Variants in FHIT observed in about 807,000 individuals in gnomAD.
FHIT encodes the protein fragile histidine triad diadenosine triphosphatase, also known as bis(5'-adenosyl)-triphosphatase.
A neutral mutation model predicts 17.9 loss-of-function variants in FHIT; 19 were observed. The ratio of observed to expected loss-of-function variants is 1.06; its 90% CI spans 0.74 to 1.56. The LOEUF (loss-of-function observed/expected upper bound fraction) is 1.56, where lower values mean the gene tolerates loss of function less well. Among genes scored for constraint, FHIT ranks in the 40% most tolerant of loss-of-function variants. The pLI, the probability that FHIT is intolerant of heterozygous loss-of-function variation, is 0.00. For missense variants in FHIT, 248 were observed against 189.2 expected (o/e 1.31, Z -1.82); for synonymous variants, 81 against 69.7 (o/e 1.16, Z -0.81).
intron 5 of FHIT, among the ~76,000 whole-genome samples, chr3:60,388,533 G>A (rs765691413): frequency 3.3e-5 from 5 of 152,126 alleles, no homozygotes; most frequent in Admixed American, 6.6e-5. Flanking sequence ...CCCAGGAGGT[G>A]GAGGTTGCAA....
chr3:60,415,384 T>C (rs1207190250), intron 5 of FHIT, among the ~76,000 whole-genome samples: 1 of 152,172 alleles, frequency 6.6e-6, no homozygotes, highest in Non-Finnish European at 1.5e-5. Flanking sequence ...CTGACTCCAA[T>C]AATACATTTA....
At chr3:61,147,469 G>C (rs13323679) in intron 2 of FHIT, among the ~76,000 whole-genome samples, 18,347 of 151,940 alleles carry the variant, frequency 0.12, 1,199 homozygotes, top group Non-Finnish European at 0.15. Flanking sequence ...AGAGTGCCAA[G>C]GTTCTTCTGC....
chr3:60,546,125 C>T (rs1051543211), intron 4 of FHIT, among the ~76,000 whole-genome samples: 1 of 152,028 alleles, frequency 6.6e-6, no homozygotes, highest in Non-Finnish European at 1.5e-5. Context: ...AATACTATAG[C>T]ATCTTGTTTT....
chr3:60,754,781 G>A (rs1402422212), intron 4 of FHIT, among the ~76,000 whole-genome samples: 1 of 152,052 alleles, frequency 6.6e-6, no homozygotes, highest in Non-Finnish European at 1.5e-5. Context: ...ACACTCATAG[G>A]CACACACACA....
chr3:60,826,888 G>A (rs1702144526), intron 3 of FHIT, among the ~76,000 whole-genome samples: 1 of 152,104 alleles, frequency 6.6e-6, no homozygotes, highest in African/African-American at 2.4e-5. Context: ...GGAACAATAT[G>A]CTTGATTAGT....
At chr3:59,779,130 A>G (rs189860212) in intron 8 of FHIT, among the ~76,000 whole-genome samples, 73 of 152,316 alleles carry the variant, frequency 4.8e-4, no homozygotes, top group African/African-American at 1.7e-3. Flanking sequence ...AATCACATCC[A>G]AGTTTGCAGA....
chr3:60,862,019 A>G (rs1703933037), intron 3 of FHIT, among the ~76,000 whole-genome samples: 1 of 152,080 alleles, frequency 6.6e-6, no homozygotes, highest in South Asian at 2.1e-4. Context: ...ACAAACCCAA[A>G]TATCTGGGTC....
intron 4 of FHIT, among the ~76,000 whole-genome samples, chr3:60,672,810 T>A (rs2040536961): frequency 6.6e-6 from 1 of 152,000 alleles, no homozygotes; most frequent in Non-Finnish European, 1.5e-5. Context: ...TCTGTTAAAA[T>A]GCATATTTCT....
intron 3 of FHIT, among the ~76,000 whole-genome samples, chr3:60,944,592 T>C (rs554830107): frequency 1.3e-5 from 2 of 152,354 alleles, no homozygotes; most frequent in African/African-American, 2.4e-5. Flanking sequence ...TATGACATCA[T>C]AAAAACTCAT....
At chr3:60,252,592 A>G (rs1705770090) in intron 5 of FHIT, among the ~76,000 whole-genome samples, 1 of 151,828 alleles carries the variant, frequency 6.6e-6, no homozygotes, top group Non-Finnish European at 1.5e-5. Flanking sequence ...ATAGAAGGAA[A>G]TAAACGTGTG....
At chr3:60,361,745 T>G (rs576797544) in intron 5 of FHIT, among the ~76,000 whole-genome samples, 23 of 152,254 alleles carry the variant, frequency 1.5e-4, no homozygotes, top group Admixed American at 3.3e-4. Flanking sequence ...ACACAGAACT[T>G]AGACCATTTG....
In FHIT at chr3:60,948,174, A is replaced by C. The variant is rs533572267; in HGVS notation, c.-111+93873T>G. Among the ~76,000 whole-genome samples the C allele has an allele frequency of 1.1e-4, 17 of 152,272 alleles. No homozygotes were observed. The South Asian group carries it at 2.5e-3, about 22-fold the overall frequency. Reference sequence around the variant, plus strand: ...GTGCTAGGTGTCCTTCCTAGCCTGCAGGTCTTACAGGCCCATTCATCCCTA... The same window carrying C: ...GTGCTAGGTGTCCTTCCTAGCCTGCCGGTCTTACAGGCCCATTCATCCCTA... On this transcript the variant is annotated intron_variant, in intron 3 of 9. Transcript: ENST00000492590.
chr3:60,648,290 A>G (rs1375147333), intron 4 of FHIT, among the ~76,000 whole-genome samples: 10 of 152,200 alleles, frequency 6.6e-5, no homozygotes, highest in Non-Finnish European at 1.2e-4. Flanking sequence ...GTATAAATCA[A>G]TTGGCTTGGA....
chr3:59,848,906 T>C (rs1701823881), intron 8 of FHIT, among the ~76,000 whole-genome samples: 1 of 152,248 alleles, frequency 6.6e-6, no homozygotes, highest in Non-Finnish European at 1.5e-5. Context: ...TTCAGCTGCA[T>C]CTGTCATTCT....
chr3:60,800,881 G>A (rs1272652318), intron 4 of FHIT, among the ~76,000 whole-genome samples: 1 of 152,082 alleles, frequency 6.6e-6, no homozygotes, highest in South Asian at 2.1e-4. Flanking sequence ...GGTATTTCTG[G>A]GGAAGTTCAT....
intron 4 of FHIT, among the ~76,000 whole-genome samples, chr3:60,748,876 T>A (rs577111624): frequency 3.3e-5 from 5 of 152,188 alleles, no homozygotes; most frequent in Non-Finnish European, 7.3e-5. Context: ...AAGTGCTACA[T>A]AATTATTACA....
chr3:60,572,179 T>C (rs1160422843), intron 4 of FHIT, among the ~76,000 whole-genome samples: 1 of 152,166 alleles, frequency 6.6e-6, no homozygotes, highest in East Asian at 1.9e-4. Flanking sequence ...AGAAAGTTGA[T>C]GCAATATCTC....
chr3:59,875,076 G>A (rs1481377646), intron 8 of FHIT, among the ~76,000 whole-genome samples: 1 of 152,196 alleles, frequency 6.6e-6, no homozygotes, highest in Non-Finnish European at 1.5e-5. Flanking sequence ...CTGGAGATAG[G>A]AGGTGCATCC....
intron 4 of FHIT, among the ~76,000 whole-genome samples, chr3:60,562,007 G>C (rs2036970842): frequency 6.6e-6 from 1 of 152,088 alleles, no homozygotes; most frequent in Admixed American, 6.6e-5. Context: ...ATGCTTTCCA[G>C]TTAACTTGAT....
Sources: allele counts gnomAD v4.1 joint callset (sites outside exome capture counted in the v4.1 genomes callset), GRCh38; gene constraint gnomAD v4.1.1; transcripts MANE v1.5; gene names NCBI Gene and HGNC (gene_info 2026-07-23, HGNC 2026-07-21).